Variants in PCDHB14 observed in about 807,000 individuals in gnomAD.
PCDHB14 encodes protocadherin beta 14, also known as protocadherin beta-14.
For synonymous variants in PCDHB14, 511 were observed against 441.5 expected, an observed-to-expected ratio of 1.16 and a Z score of -1.97; for missense variants, 1,129 against 1,000.5, an observed-to-expected ratio of 1.13 and a Z score of -1.73.
Position 141,225,089 on chromosome 5 carries a change from G to T in PCDHB14, c.1584G>T (p.Glu528Asp), listed in dbSNP as rs150988064. 2 of 1,612,156 alleles carry T rather than the reference G, an allele frequency of 1.2e-6. No homozygotes were observed. Among genetic ancestry groups the T allele is most frequent in the Non-Finnish European group, 1.7e-6 (2 of 1,179,882 alleles). ...ACTACGAGGCCCTACAGGAGTTCGA[G>T]TTTCGCGTGGGCGCCACAGACCGCG... is the stretch of plus-strand genomic sequence containing the variant. ...SLDYEALQEF[E>D]FRVGATDRGS... Residue 528 changes from glutamate (E) to aspartate (D), a missense_variant, in exon 1 of 1, where the codon GAG becomes GAT. Coordinates refer to ENST00000239449, the MANE Select transcript of PCDHB14 (RefSeq NM_018934.4).
Position 141,224,759 on chromosome 5 carries a change from C to A in PCDHB14, c.1254C>A (p.Asn418Lys). 3 of 1,614,192 alleles carry A rather than the reference C, an allele frequency of 1.9e-6. No individual in the cohort carries two copies. Among genetic ancestry groups the A allele is most frequent in the Non-Finnish European group, 1.7e-6 (2 of 1,180,032 alleles). ...ACAGAGAGAGCCAAGCCGAGTACAA[C>A]ATCACGATCACCGTCACAGACTTGG... ...ALDRESQAEYNITITVTDLGT... is the reference protein window; with the variant it reads ...ALDRESQAEYKITITVTDLGT... Residue 418 changes from asparagine to lysine, a missense_variant, in exon 1 of 1, where the codon AAC becomes AAA. Physicochemically the swap from Asn to Lys is moderately conservative, Grantham distance 94 (BLOSUM62 0). Coordinates refer to ENST00000239449, the MANE Select transcript of PCDHB14 (RefSeq NM_018934.4).
Position 141,226,264 on chromosome 5 carries a change from A to C in PCDHB14, c.*362A>C. 5.4e-6 allele frequency: 1 copy of C among 183,604 alleles called. No individual in the cohort carries two copies. Among genetic ancestry groups the C allele is most frequent in the South Asian group, 1.6e-4 (1 of 6,072 alleles). The allele number at this position is 183,604 out of a possible 1,614,324, so 11.4% of individuals were successfully genotyped here. ...AAATCTAGACACCATCAAAGCATAAAATAAAAATAAAAAGCGTTGCTGAAT... is the reference window on the plus strand; with the variant it reads ...AAATCTAGACACCATCAAAGCATAACATAAAAATAAAAAGCGTTGCTGAAT... On this transcript the variant is annotated 3_prime_UTR_variant, in exon 1 of 1. Coordinates refer to ENST00000239449, the MANE Select transcript of PCDHB14 (RefSeq NM_018934.4).
chr5:141,225,204 A>G lies in PCDHB14; in HGVS notation c.1699A>G (p.Asn567Asp), dbSNP rs1554289363. The change falls in exon 1 of 1, where the codon AAC becomes GAC. Residue 567 changes from asparagine to aspartate, a missense_variant. Physicochemically the swap from Asn to Asp is conservative, Grantham distance 23 (BLOSUM62 1). Transcript: ENST00000239449. ...GCCCTTCGTGCTGTACCCGCTGCAG[A>G]ACGGCTCCGCGCCCTGCACCGAGCT... ...NSPFVLYPLQ[N>D]GSAPCTELVP... The G allele has an allele frequency of 6.2e-7, 1 of 1,607,542 alleles. No individual in the cohort carries two copies. The highest frequency in any genetic ancestry group is 1.1e-5 in the South Asian group (1 of 90,878).
rs1554289114 is a variant in PCDHB14, at chr5:141,224,214, G to A, written c.709G>A (p.Asp237Asn). The part of the protein sequence containing the change: ...LVLIKVLDIN[D>N]NAPEFPQSLY... ...TCTCATCAAGGTGTTGGACATCAAT[G>A]ATAATGCCCCTGAGTTTCCTCAGAG... The change falls in exon 1 of 1, where the codon GAT (aspartate) becomes AAT (asparagine). Residue 237 changes from aspartate (D) to asparagine (N), a missense_variant. Physicochemically the swap from Asp to Asn is conservative, Grantham distance 23 (BLOSUM62 1). Transcript: ENST00000239449. The A allele has an allele frequency of 6.2e-7, 1 of 1,613,850 alleles. No individual in the cohort carries two copies. Among genetic ancestry groups the A allele is most frequent in the Admixed American group, 1.7e-5 (1 of 60,008 alleles).
rs181994744 is a variant in PCDHB14, at chr5:141,226,851, G to T, written c.*949G>T. 1 of 152,274 alleles carries T rather than the reference G, an allele frequency of 6.6e-6. No homozygotes were observed. Among genetic ancestry groups the T allele is most frequent in the Non-Finnish European group, 1.5e-5 (1 of 68,140 alleles). 9.4% of individuals were successfully genotyped at this position (152,274 alleles called of 1,614,324 possible). A position where few individuals can be genotyped will look rare whatever the true frequency, so the allele number is the denominator to read the frequency against. ...CTAGTTTTTTGTTTTTGTTTTTTGA[G>T]ACAAAGTCTCACTTTGTTGTCCAGG... On this transcript the variant is annotated 3_prime_UTR_variant, in exon 1 of 1. Coordinates refer to ENST00000239449, the MANE Select transcript of PCDHB14 (RefSeq NM_018934.4).
Position 141,226,187 on chromosome 5 carries a change from T to G in PCDHB14, c.*285T>G. ...TATGCAAGACCATATTCTCAATTAT[T>G]TGGATATGCAAACTAAAGTATTAAG... is the stretch of plus-strand genomic sequence containing the variant. On this transcript the variant is annotated 3_prime_UTR_variant, in exon 1 of 1. Transcript: ENST00000239449. 6.0e-6 allele frequency: 2 copies of G among 334,632 alleles called. No individual in the cohort carries two copies. The highest frequency in any genetic ancestry group is 1.1e-5 in the Non-Finnish European group (2 of 176,098). The allele number at this position is 334,632 out of a possible 1,614,324, so 20.7% of individuals were successfully genotyped here.
rs1250671836 is a variant in PCDHB14, at chr5:141,226,913, C to T, written c.*1011C>T. ...TGGCAGGATCTTGGCTCACTGCAGCCTCGACATCCTGGGCTCAGGCAATCC... is the reference window on the plus strand; with the variant it reads ...TGGCAGGATCTTGGCTCACTGCAGCTTCGACATCCTGGGCTCAGGCAATCC... On this transcript the variant is annotated 3_prime_UTR_variant, in exon 1 of 1. Transcript: ENST00000239449. 1 of 152,220 alleles carries T rather than the reference C, an allele frequency of 6.6e-6. No homozygotes were observed. Among genetic ancestry groups the T allele is most frequent in the Non-Finnish European group, 1.5e-5 (1 of 68,064 alleles). The allele number at this position is 152,220 out of a possible 1,614,324, so 9.4% of individuals were successfully genotyped here. A position where few individuals can be genotyped will look rare whatever the true frequency, so the allele number is the denominator to read the frequency against.
chr5:141,225,025 A>G lies in PCDHB14; in HGVS notation c.1520A>G (p.Asn507Ser), dbSNP rs1189202915. Residue 507 changes from asparagine (N) to serine (S), a missense_variant, in exon 1 of 1, where the codon AAC becomes AGC. By Grantham distance (46) the Asn-to-Ser change is conservative (BLOSUM62 1). Coordinates refer to ENST00000239449, the MANE Select transcript of PCDHB14 (RefSeq NM_018934.4). ...HLPLASLVSINADNGHLFALR... is the reference protein window; with the variant it reads ...HLPLASLVSISADNGHLFALR... ...CCCCTCGCCTCCTTGGTCTCCATCA[A>G]CGCGGACAATGGCCACCTGTTTGCC... is the stretch of plus-strand genomic sequence containing the variant. 4.3e-6 allele frequency: 7 copies of G among 1,612,466 alleles called. No homozygotes were observed. The highest frequency in any genetic ancestry group is 2.2e-5 in the South Asian group (2 of 91,020).
chr5:141,226,064 T>A lies in PCDHB14; in HGVS notation c.*162T>A. ...TAAAAATCTTTATTAGTGGCTATAA[T>A]GACGTGGAAATGTAATCTGTGTTTT... is the stretch of plus-strand genomic sequence containing the variant. On this transcript the variant is annotated 3_prime_UTR_variant, in exon 1 of 1. Coordinates refer to ENST00000239449, the MANE Select transcript of PCDHB14 (RefSeq NM_018934.4). 1.5e-6 allele frequency: 1 copy of A among 684,768 alleles called. No homozygotes were observed. Among genetic ancestry groups the A allele is most frequent in the Non-Finnish European group, 2.4e-6 (1 of 416,186 alleles). The allele number at this position is 684,768 out of a possible 1,614,324, so 42.4% of individuals were successfully genotyped here. A position where few individuals can be genotyped will look rare whatever the true frequency, so the allele number is the denominator to read the frequency against.
Position 141,224,039 on chromosome 5 carries a change from C to T in PCDHB14, c.534C>T (p.Phe178=), listed in dbSNP as rs201192118. 5.6e-6 allele frequency: 9 copies of T among 1,613,668 alleles called. No individual in the cohort carries two copies. Among genetic ancestry groups the T allele is most frequent in the Admixed American group, 1.7e-5 (1 of 59,956 alleles). ...QNYTISPNSH[F]YIKIPDSSDR... ...ACACAATTAGCCCCAATTCTCACTTCTACATTAAAATTCCCGACAGTAGTG... is the reference window on the plus strand; with the variant it reads ...ACACAATTAGCCCCAATTCTCACTTTTACATTAAAATTCCCGACAGTAGTG... The change falls in exon 1 of 1, where the codon TTC becomes TTT. Residue 178 remains phenylalanine, a synonymous_variant. Coordinates refer to ENST00000239449, the MANE Select transcript of PCDHB14 (RefSeq NM_018934.4).
Position 141,223,534 on chromosome 5 carries a change from G to A in PCDHB14, c.29G>A (p.Arg10Gln), listed in dbSNP as rs782260168. The A allele has an allele frequency of 1.9e-6, 3 of 1,612,362 alleles. No homozygotes were observed. Among genetic ancestry groups the A allele is most frequent in the African/African-American group, 1.3e-5 (1 of 74,844 alleles). Residue 10 changes from arginine to glutamine, a missense_variant, in exon 1 of 1, where the codon CGA becomes CAA. Arg to Gln is a conservative substitution (Grantham distance 43). Transcript: ENST00000239449. MEIRGALDLRKRQVLIFLVL... is the reference protein window; with the variant it reads MEIRGALDLQKRQVLIFLVL... ...GAGATCAGAGGGGCACTCGATCTGC[G>A]AAAAAGGCAAGTTCTAATATTCCTT... is the stretch of plus-strand genomic sequence containing the variant.
At position 141,225,005 on chromosome 5, in the gene PCDHB14, C is replaced by G. The variant is rs142260227; in HGVS notation, c.1500C>G (p.Leu500=). Residue 500 remains leucine, a synonymous_variant, in exon 1 of 1, where the codon CTC becomes CTG. Coordinates refer to ENST00000239449, the MANE Select transcript of PCDHB14 (RefSeq NM_018934.4). Reference sequence around the variant, plus strand: ...CGCCCCAGGACCGGCACCTGCCCCTCGCCTCCTTGGTCTCCATCAACGCGG... The same window carrying G: ...CGCCCCAGGACCGGCACCTGCCCCTGGCCTCCTTGGTCTCCATCAACGCGG... ...LLPPQDRHLP[L]ASLVSINADN... 5.0e-6 allele frequency: 8 copies of G among 1,612,544 alleles called. No individual in the cohort carries two copies. The highest frequency in any genetic ancestry group is 4.0e-5 in the African/African-American group (3 of 74,892).
Position 141,225,488 on chromosome 5 carries a change from C to A in PCDHB14, c.1983C>A (p.Leu661=). 1 of 1,606,430 alleles carries A rather than the reference C, an allele frequency of 6.2e-7. No homozygotes were observed. The highest frequency in any genetic ancestry group is 1.1e-5 in the South Asian group (1 of 90,980). ...CGGCCACCGCCACGCTGCACGTGCTCCTGGTGGACGGCTTCTCCCAGCCCT... is the reference window on the plus strand; with the variant it reads ...CGGCCACCGCCACGCTGCACGTGCTACTGGTGGACGGCTTCTCCCAGCCCT... The part of the protein sequence containing the change: ...PRSATATLHV[L]LVDGFSQPYL... Residue 661 remains leucine (L), a synonymous_variant, in exon 1 of 1, where the codon CTC becomes CTA. Transcript: ENST00000239449.
Position 141,224,240 on chromosome 5 carries a change from T to C in PCDHB14, c.735T>C (p.Ser245=). ...ATAATGCCCCTGAGTTTCCTCAGAGTCTCTATGAGGTGCAAGTCCCCGAGG... is the reference window on the plus strand; with the variant it reads ...ATAATGCCCCTGAGTTTCCTCAGAGCCTCTATGAGGTGCAAGTCCCCGAGG... ...INDNAPEFPQ[S]LYEVQVPEDR... is the part of the protein sequence containing the mutation. Residue 245 remains serine (S), a synonymous_variant, in exon 1 of 1, where the codon AGT becomes AGC. Coordinates refer to ENST00000239449, the MANE Select transcript of PCDHB14 (RefSeq NM_018934.4). 1.9e-6 allele frequency: 3 copies of C among 1,613,560 alleles called. No homozygotes were observed. The highest frequency in any genetic ancestry group is 1.7e-6 in the Non-Finnish European group (2 of 1,179,728).
At position 141,224,250 on chromosome 5, in the gene PCDHB14, G is replaced by A. The variant is rs782109351; in HGVS notation, c.745G>A (p.Val249Met). 1 of 1,613,850 alleles carries A rather than the reference G, an allele frequency of 6.2e-7. No individual in the cohort carries two copies. Among genetic ancestry groups the A allele is most frequent in the Middle Eastern group, 1.7e-4 (1 of 6,058 alleles). Reference protein sequence around the residue: ...APEFPQSLYEVQVPEDRPLGS... With the variant: ...APEFPQSLYEMQVPEDRPLGS... ...TGAGTTTCCTCAGAGTCTCTATGAG[G>A]TGCAAGTCCCCGAGGACAGACCCCT... The change falls in exon 1 of 1, where the codon GTG becomes ATG. Residue 249 changes from valine to methionine, a missense_variant. Physicochemically the swap from Val to Met is conservative, Grantham distance 21 (BLOSUM62 1). Transcript: ENST00000239449.
rs782240038 is a variant in PCDHB14 at position 141,225,692 on chromosome 5, G to A, written c.2187G>A (p.Glu729=). Residue 729 remains glutamate (E), a synonymous_variant, in exon 1 of 1, where the codon GAG becomes GAA. Transcript: ENST00000239449. The part of the protein sequence containing the change: ...AASVGRCSVP[E]GPFPGHLVDV... ...CGGTGGGTCGCTGCTCGGTGCCCGA[G>A]GGTCCCTTTCCAGGGCATCTGGTGG... The A allele has an allele frequency of 4.1e-5, 66 of 1,614,196 alleles. No homozygotes were observed. The East Asian group carries it at 1.4e-3, about 35-fold the overall frequency.
In PCDHB14 at chr5:141,225,194, C is replaced by T. The variant is rs781954086; in HGVS notation, c.1689C>T (p.Tyr563=). The stretch of plus-strand genomic sequence containing the variant: ...ACGACAACTCGCCCTTCGTGCTGTA[C>T]CCGCTGCAGAACGGCTCCGCGCCCT... ...DANDNSPFVL[Y]PLQNGSAPCT... The change falls in exon 1 of 1, where the codon TAC becomes TAT. Residue 563 remains tyrosine, a synonymous_variant. Coordinates refer to ENST00000239449, the MANE Select transcript of PCDHB14 (RefSeq NM_018934.4). 6.2e-6 allele frequency: 10 copies of T among 1,609,070 alleles called. No homozygotes were observed. Among genetic ancestry groups the T allele is most frequent in the South Asian group, 5.5e-5 (5 of 90,910 alleles).
Position 141,223,388 on chromosome 5 carries a change from G to T in PCDHB14, c.-118G>T, listed in dbSNP as rs1588396067. The T allele has an allele frequency of 4.2e-6, 3 of 721,202 alleles. No individual in the cohort carries two copies. Among genetic ancestry groups the T allele is most frequent in the East Asian group, 2.6e-5 (1 of 39,034 alleles). 44.7% of individuals were successfully genotyped at this position (721,202 alleles called of 1,614,324 possible). ...AAAAGACAGGCATTAAAGGAGCTTC[G>T]CCTACAGAGCTGCTGGAGGATACAC... On this transcript the variant is annotated 5_prime_UTR_variant, in exon 1 of 1. Coordinates refer to ENST00000239449, the MANE Select transcript of PCDHB14 (RefSeq NM_018934.4).
rs61751919 is a variant in PCDHB14, at chr5:141,223,812, G to A, written c.307G>A (p.Val103Met). Residue 103 changes from valine to methionine, a missense_variant, in exon 1 of 1, where the codon GTG becomes ATG. Physicochemically the swap from Val to Met is conservative, Grantham distance 21. Transcript: ENST00000239449. ...DELCGSTEPCVLHFQVVLENP... is the reference protein window; with the variant it reads ...DELCGSTEPCMLHFQVVLENP... ...GCTGTGTGGCTCCACCGAGCCCTGT[G>A]TGCTGCATTTTCAGGTGGTTTTGGA... 5.8e-4 allele frequency: 937 copies of A among 1,613,840 alleles called. 7 individuals are homozygous for A. In the African/African-American group the frequency reaches 0.012, roughly 20 times the overall value.
Sources: gnomAD v4.1 joint callset for allele counts on GRCh38, gnomAD v4.1.1 for gene constraint, MANE v1.5 for transcripts, NCBI Gene and HGNC (gene_info 2026-07-23, HGNC 2026-07-21) for gene names.